Variants in NFIL3 observed in about 807,000 individuals in gnomAD.
NFIL3 encodes nuclear factor interleukin-3-regulated protein.
NFIL3 carries 5 observed loss-of-function variants against 10.0 expected under a neutral mutation model. That is an observed-to-expected ratio of 0.50 (90% CI 0.26 to 1.06). NFIL3 has a LOEUF of 1.06. NFIL3 is among the 50% of genes least tolerant of loss of function. The probability of loss-of-function intolerance (pLI) is 0.13; values close to 1 mark genes in which losing one functional copy is unlikely to be tolerated. For synonymous variants in NFIL3, 202 were observed against 206.5 expected (o/e 0.98, Z 0.19); for missense variants, 436 against 547.6 (o/e 0.80, Z 2.03).
the NFIL3 span, among the ~76,000 whole-genome samples, chr9:91,479,052 C>T: frequency 1.3e-5 from 2 of 152,168 alleles, no homozygotes; most frequent in Admixed American, 6.5e-5. Flanking sequence ...AGATGCCAGC[C>T]GGAGCTCTCC....
At position 91,410,493 on chromosome 9, in the gene NFIL3, C is replaced by T. The variant is rs1833525445; in HGVS notation, c.242G>A (p.Arg81Gln). Residue 81 changes from arginine (R) to glutamine (Q), a missense_variant, in exon 2 of 2, where the codon CGG (arginine) becomes CAG (glutamine). Coordinates refer to ENST00000297689, the MANE Select transcript of NFIL3 (RefSeq NM_005384.3). The surrounding 1 kb of genome is among the most constrained non-coding windows in gnomAD (Gnocchi z 5.7). ...TCTTTTGGCAGCTTCATTATTTTTCCGCCTTTTTTCCCAATACATAGCATC... is the reference window on the plus strand; with the variant it reads ...TCTTTTGGCAGCTTCATTATTTTTCTGCCTTTTTTCCCAATACATAGCATC... ...KKDAMYWEKR[R>Q]KNNEAAKRSR... The T allele has an allele frequency of 1.9e-6, 3 of 1,614,174 alleles. No individual in the cohort carries two copies. Among genetic ancestry groups the T allele is most frequent in the African/African-American group, 1.3e-5 (1 of 75,042 alleles).
Position 91,409,263 on chromosome 9 carries a change from G to T in NFIL3, c.*83C>A, listed in dbSNP as rs762477696. The T allele has an allele frequency of 2.0e-5, 26 of 1,325,256 alleles. No homozygotes were observed. The highest frequency in any genetic ancestry group is 2.6e-5 in the Non-Finnish European group (25 of 969,544). 82.1% of individuals were successfully genotyped at this position (1,325,256 alleles called of 1,614,324 possible). Reference sequence around the variant, plus strand: ...ACAGTGAAATGACATCACAGGTCCAGTGAAAATTCAGCATAATACAAAATG... The same window carrying T: ...ACAGTGAAATGACATCACAGGTCCATTGAAAATTCAGCATAATACAAAATG... On this transcript the variant is annotated 3_prime_UTR_variant, in exon 2 of 2. Coordinates refer to ENST00000297689, the MANE Select transcript of NFIL3 (RefSeq NM_005384.3).
the NFIL3 span, among the ~76,000 whole-genome samples, chr9:91,441,259 CTT>C: frequency 6.6e-6 from 1 of 151,930 alleles, no homozygotes; most frequent in Admixed American, 6.6e-5. Context: ...TAAATAATGA[CTT>C]TTTTTGTCTC....
chr9:91,415,525 A>G (rs1833637233), intron 1 of NFIL3, among the ~76,000 whole-genome samples: 1 of 151,916 alleles, frequency 6.6e-6, no homozygotes, highest in African/African-American at 2.4e-5. Flanking sequence ...ATTTACACAC[A>G]GTTCTCTTTT....
chr9:91,412,888 A>G (rs1216757813), intron 1 of NFIL3, among the ~76,000 whole-genome samples: 1 of 151,958 alleles, frequency 6.6e-6, no homozygotes, highest in Non-Finnish European at 1.5e-5. Context: ...ATGTTCTTAC[A>G]TGATGCCACT....
chr9:91,441,835 A>G, the NFIL3 span, among the ~76,000 whole-genome samples: 1 of 152,154 alleles, frequency 6.6e-6, no homozygotes, highest in East Asian at 1.9e-4. Flanking sequence ...ATATTTTTAT[A>G]TTTTGTATTC....
At chr9:91,468,016 T>G in the NFIL3 span, among the ~76,000 whole-genome samples, 1 of 152,212 alleles carries the variant, frequency 6.6e-6, no homozygotes, top group East Asian at 1.9e-4. Context: ...TGTGTCTTTA[T>G]AGCAGCATGA....
At chr9:91,439,773 A>G in the NFIL3 span, among the ~76,000 whole-genome samples, 4 of 152,084 alleles carry the variant, frequency 2.6e-5, no homozygotes, top group Admixed American at 1.3e-4. Flanking sequence ...AGAGGATCAG[A>G]TGGTTTTTAC....
the NFIL3 span, among the ~76,000 whole-genome samples, chr9:91,436,679 G>A: frequency 7.9e-5 from 12 of 152,250 alleles, no homozygotes; most frequent in Admixed American, 2.0e-4. Context: ...CAGGACCTAC[G>A]TCATATGCCA....
upstream of NFIL3, among the ~76,000 whole-genome samples, chr9:91,427,641 T>C (rs1833885646): frequency 6.6e-6 from 1 of 151,858 alleles, no homozygotes; most frequent in Admixed American, 6.6e-5. Flanking sequence ...GTTGTTGTTG[T>C]TGTTGTTTTT....
chr9:91,473,632 G>C, the NFIL3 span, among the ~76,000 whole-genome samples: 1 of 152,242 alleles, frequency 6.6e-6, no homozygotes, highest in African/African-American at 2.4e-5. Context: ...CCTTGGCTAG[G>C]AAAGGGAATT....
At chr9:91,414,910 C>A (rs1402764246) in intron 1 of NFIL3, among the ~76,000 whole-genome samples, 1 of 152,194 alleles carries the variant, frequency 6.6e-6, no homozygotes, top group Non-Finnish European at 1.5e-5. Flanking sequence ...AGGTGCTCAA[C>A]ATTTCATTGA....
At chr9:91,431,319 G>A in the NFIL3 span, among the ~76,000 whole-genome samples, 8 of 152,182 alleles carry the variant, frequency 5.3e-5, no homozygotes, top group Non-Finnish European at 1.2e-4. Flanking sequence ...GTGAAACCTT[G>A]ATGCCTCAGT....
At chr9:91,430,817 A>G in the NFIL3 span, among the ~76,000 whole-genome samples, 1 of 152,068 alleles carries the variant, frequency 6.6e-6, no homozygotes, top group Non-Finnish European at 1.5e-5. Flanking sequence ...GGCTAATTAA[A>G]AAACATTTTG....
chr9:91,444,910 G>A, the NFIL3 span, among the ~76,000 whole-genome samples: 2 of 152,168 alleles, frequency 1.3e-5, no homozygotes, highest in African/African-American at 4.8e-5. Context: ...TAATGGTGCT[G>A]GGATCCAGGG....
intron 1 of NFIL3, among the ~76,000 whole-genome samples, chr9:91,422,780 G>T (rs1367732383): frequency 1.3e-5 from 2 of 152,106 alleles, no homozygotes; most frequent in Non-Finnish European, 2.9e-5. Context: ...TTGAAAGGGC[G>T]AACCCCAGTA....
At chr9:91,458,437 T>A in the NFIL3 span, among the ~76,000 whole-genome samples, 2 of 152,164 alleles carry the variant, frequency 1.3e-5, no homozygotes, top group Non-Finnish European at 2.9e-5. Context: ...ATATTATTCA[T>A]AGTATTCTCC....
chr9:91,421,925 T>C (rs982462441), intron 1 of NFIL3, among the ~76,000 whole-genome samples: 4 of 152,198 alleles, frequency 2.6e-5, no homozygotes, highest in African/African-American at 9.7e-5. Context: ...AATTTAATAT[T>C]TGGGTAAATT....
intron 1 of NFIL3, among the ~76,000 whole-genome samples, chr9:91,423,325 A>G (rs564845950): frequency 6.6e-6 from 1 of 152,304 alleles, no homozygotes; most frequent in Admixed American, 6.5e-5. Flanking sequence ...CTTCTTTACC[A>G]AAACATCAAT....
Sources: gnomAD v4.1 joint callset for allele counts (sites outside exome capture counted in the v4.1 genomes callset) on GRCh38, gnomAD v4.1.1 for gene constraint, Gnocchi (gnomAD v3.1) non-coding constraint, MANE v1.5 for transcripts, NCBI Gene and HGNC (gene_info 2026-07-23, HGNC 2026-07-21) for gene names.